BCAR3: variants seen among roughly 807,000 people sequenced by gnomAD.
The protein encoded by BCAR3 is BCAR3 adaptor protein, NSP family member, also known as breast cancer anti-estrogen resistance protein 3.
Under a neutral mutation model 80.1 loss-of-function variants are expected in BCAR3, and 37 were observed. That is an observed-to-expected ratio of 0.46 (90% CI 0.36 to 0.61). The LOEUF (loss-of-function observed/expected upper bound fraction) is 0.61. Ranked by LOEUF, BCAR3 falls within the 20% of genes least tolerant of loss-of-function variation. BCAR3 has a pLI of 0.00. For synonymous variants in BCAR3, 389 were observed against 418.9 expected, an observed-to-expected ratio of 0.93 and a Z score of 0.87; for missense variants, 978 against 1,068.2, an observed-to-expected ratio of 0.92 and a Z score of 1.18.
intron 2 of BCAR3, among the ~76,000 whole-genome samples, chr1:93,772,243 A>AT (rs1652384008): frequency 6.6e-6 from 1 of 152,174 alleles, no homozygotes; most frequent in African/African-American, 2.4e-5. Context: ...TCAAATTTGG[A>AT]TTTTAAGAAA....
chr1:93,769,475 C>T (rs925323154), intron 2 of BCAR3, among the ~76,000 whole-genome samples: 6 of 150,112 alleles, frequency 4.0e-5, no homozygotes, highest in African/African-American at 1.5e-4. Context: ...GTTAAAGAGG[C>T]TATGATCTTC....
At chr1:93,844,747 C>T (rs879943937) in intron 2 of BCAR3, among the ~76,000 whole-genome samples, 9 of 145,708 alleles carry the variant, frequency 6.2e-5, no homozygotes, top group Non-Finnish European at 9.0e-5. Context: ...CTCATTCTGT[C>T]GCCCAGGCTG....
At chr1:93,598,332 AG>A (rs1408065386) in intron 3 of BCAR3, among the ~76,000 whole-genome samples, 3 of 152,220 alleles carry the variant, frequency 2.0e-5, no homozygotes, top group Non-Finnish European at 4.4e-5. Context: ...AGGAGACAGC[AG>A]AATTTGAAAA....
At chr1:93,774,633 C>CCT (rs1652481291) in intron 2 of BCAR3, among the ~76,000 whole-genome samples, 1 of 152,164 alleles carries the variant, frequency 6.6e-6, no homozygotes, top group Non-Finnish European at 1.5e-5. Context: ...GTCTAACAAA[C>CCT]CTCTCCTTGG....
chr1:93,588,760 C>A (rs1283214671), intron 5 of BCAR3, among the ~76,000 whole-genome samples: 5 of 151,946 alleles, frequency 3.3e-5, no homozygotes, highest in African/African-American at 1.2e-4. Context: ...CCCATCAGCA[C>A]CCCCCGAAAT....
rs142225657 is a variant in BCAR3, at chr1:93,588,017, C to T, written c.929+960G>A. 4.7e-3 allele frequency among the ~76,000 whole-genome samples: 717 copies of T among 152,234 alleles called. 6 individuals are homozygous for T. The highest frequency in any genetic ancestry group is 0.014 in the African/African-American group (566 of 41,544). On this transcript the variant is annotated intron_variant, in intron 5 of 11. Transcript: ENST00000260502. Reference sequence around the variant, plus strand: ...CCTGAATCTTTCTCTTCCCCCATTCCCTGAGATTCAGACTACAGACCCCAT... The same window carrying T: ...CCTGAATCTTTCTCTTCCCCCATTCTCTGAGATTCAGACTACAGACCCCAT...
intron 3 of BCAR3, among the ~76,000 whole-genome samples, chr1:93,697,733 A>G (rs1649468206): frequency 6.6e-6 from 1 of 152,080 alleles, no homozygotes; most frequent in Non-Finnish European, 1.5e-5. Flanking sequence ...TAATCCCAGC[A>G]CTTTGGGAGG....
At chr1:93,567,675 C>T in intron 10 of BCAR3, 65 bp downstream of exon 10, 1 of 1,495,608 alleles carries the variant, frequency 6.7e-7, no homozygotes, top group Non-Finnish European at 9.3e-7. Flanking sequence ...TCATAACATG[C>T]CCTGTGTACT....
chr1:93,835,404 C>T (rs568089698), intron 2 of BCAR3, among the ~76,000 whole-genome samples: 1 of 152,308 alleles, frequency 6.6e-6, no homozygotes, highest in South Asian at 2.1e-4. Context: ...TTCTGTCCCT[C>T]ACGGCCAGTT....
chr1:93,839,207 C>T lies in BCAR3; in HGVS notation c.-63+6360G>A, dbSNP rs150075422. Among the ~76,000 whole-genome samples the T allele has an allele frequency of 9.4e-4, 143 of 152,184 alleles. 3 individuals are homozygous for T. The East Asian group carries it at 0.025, about 26-fold the overall frequency. ...GCTCAGGAGGCTGAGGTGGGAGAATCGCTTGAATCGTGGAGGTTGCAGTGA... is the reference window on the plus strand; with the variant it reads ...GCTCAGGAGGCTGAGGTGGGAGAATTGCTTGAATCGTGGAGGTTGCAGTGA... On this transcript the variant is annotated intron_variant, in intron 2 of 13. Transcript: ENST00000370244.
Position 93,582,681 on chromosome 1 carries a change from A to G in BCAR3, c.1306T>C (p.Phe436Leu). 6 of 1,614,040 alleles carry G rather than the reference A, an allele frequency of 3.7e-6. No individual in the cohort carries two copies. Among genetic ancestry groups the G allele is most frequent in the Non-Finnish European group, 5.1e-6 (6 of 1,180,016 alleles). The change falls in exon 7 of 12, where the codon TTT becomes CTT. Residue 436 changes from phenylalanine to leucine, a missense_variant. Coordinates refer to ENST00000260502, the MANE Select transcript of BCAR3 (RefSeq NM_003567.4). ...GCTCCCCTGCCGCAGCCTGTGGCAA[A>G]CGCTGGGTTCAGTTCACAGTAGTTG... ...EANYCELNPA[F>L]ATGCGRGAKL...
At chr1:93,747,446 G>C (rs1407716333) in intron 2 of BCAR3, among the ~76,000 whole-genome samples, 2 of 151,724 alleles carry the variant, frequency 1.3e-5, no homozygotes, top group Non-Finnish European at 2.9e-5. Flanking sequence ...CCAATCTTGA[G>C]TAACAGCATC....
rs1672706752 is a variant in BCAR3, at chr1:93,562,255, G to C, written c.2464C>G (p.Gln822Glu). 2 of 1,613,796 alleles carry C rather than the reference G, an allele frequency of 1.2e-6. No homozygotes were observed. The highest frequency in any genetic ancestry group is 1.1e-5 in the South Asian group (1 of 90,992). The change falls in exon 12 of 12, where the codon CAG becomes GAG. Residue 822 changes from glutamine to glutamate, a missense_variant. Coordinates refer to ENST00000260502, the MANE Select transcript of BCAR3 (RefSeq NM_003567.4). ...CTGGAGAGTTATCAAAGCTCTGCCT[G>C]CTTTACAGGAGGAGGTTCCAATTTA... ...SRKLEPPPVK[Q>E]AEL
chr1:93,833,954 T>TAC (rs1428367276), intron 2 of BCAR3, among the ~76,000 whole-genome samples: 1 of 152,188 alleles, frequency 6.6e-6, no homozygotes, highest in African/African-American at 2.4e-5. Context: ...CTTCAAAATT[T>TAC]ACATTCAGAG....
chr1:93,786,049 C>T (rs1453830067), intron 2 of BCAR3, among the ~76,000 whole-genome samples: 1 of 141,278 alleles, frequency 7.1e-6, no homozygotes, highest in Non-Finnish European at 1.5e-5. Flanking sequence ...AAAAATTAGC[C>T]GGGCGTGGTG....
At chr1:93,768,352 C>A (rs1002281737) in intron 2 of BCAR3, among the ~76,000 whole-genome samples, 7 of 152,124 alleles carry the variant, frequency 4.6e-5, no homozygotes, top group South Asian at 2.1e-4. Flanking sequence ...AATCCATGCC[C>A]AAGGTTGAGA....
In BCAR3 at chr1:93,562,438, CA is replaced by C; in HGVS notation, c.2300-20del. 6.2e-7 allele frequency: 1 copy of C among 1,608,396 alleles called. No individual in the cohort carries two copies. The highest frequency in any genetic ancestry group is 8.5e-7 in the Non-Finnish European group (1 of 1,176,926). On this transcript the variant is annotated intron_variant, in intron 11 of 11. Transcript: ENST00000260502. ...TGAAAACCTAATGAAACAAAATAAA[CA>C]AAAAGTTACTTCAGTTCTGCCTAAG...
chr1:93,585,172 C>T, intron 5 of BCAR3: 1 of 985,484 alleles, frequency 1.0e-6, no homozygotes, highest in African/African-American at 1.7e-5. Flanking sequence ...TGCAACCTGC[C>T]TGTGAGCACA....
At chr1:93,585,387 T>G (rs1322517509) in intron 5 of BCAR3, among the ~76,000 whole-genome samples, 1 of 152,276 alleles carries the variant, frequency 6.6e-6, no homozygotes, top group African/African-American at 2.4e-5. Flanking sequence ...TAGGAGGATC[T>G]GCATTCCAAA....
Sources: allele counts gnomAD v4.1 joint callset (sites outside exome capture counted in the v4.1 genomes callset), GRCh38; gene constraint gnomAD v4.1.1; transcripts MANE v1.5; gene names NCBI Gene and HGNC (gene_info 2026-07-23, HGNC 2026-07-21).